The following EML4 variants were observed in gnomAD, a reference collection of about 807,000 sequenced individuals.
EML4 encodes echinoderm microtubule-associated protein-like 4.
A neutral mutation model predicts 129.0 loss-of-function variants in EML4; 72 were observed. The observed-to-expected ratio is 0.56, with a 90% CI of 0.46 to 0.68. EML4 has a LOEUF of 0.68. Among genes scored for constraint, EML4 ranks in the 30% least tolerant of loss-of-function variants. EML4 has a pLI of 0.00. For synonymous variants in EML4, 532 were observed against 405.0 expected (o/e 1.31, Z -3.77); for missense variants, 1,363 against 1,190.6 (o/e 1.14, Z -2.13).
chr2:42,181,594 C>T lies in EML4; in HGVS notation c.25+11958C>T, dbSNP rs1328045345. ...TACAGGTGTGAGCCACCGCGCCTGG[C>T]CAGGTTTCATATTTTTTTGATGGGT... is the stretch of plus-strand genomic sequence containing the variant. On this transcript the variant is annotated intron_variant, in intron 1 of 22. Coordinates refer to ENST00000318522, the MANE Select transcript of EML4 (RefSeq NM_019063.5). Among the ~76,000 whole-genome samples the T allele has an allele frequency of 2.0e-5, 3 of 152,130 alleles. No homozygotes were observed. In the East Asian group the frequency reaches 5.8e-4, roughly 29 times the overall value.
chr2:42,310,855 A>C (rs6728830), intron 17 of EML4, among the ~76,000 whole-genome samples: 147,500 of 152,248 alleles, frequency 0.97, 71,483 homozygotes, highest in African/African-American at 0.99. Flanking sequence ...AGAGATAGAG[A>C]CTCTGAGCCC....
intron 2 of EML4, among the ~76,000 whole-genome samples, chr2:42,247,320 A>G (rs1675475674): frequency 6.6e-6 from 1 of 152,168 alleles, no homozygotes; most frequent in African/African-American, 2.4e-5. Context: ...AAAAAAGAGA[A>G]TGCATGTTTG....
At chr2:42,203,100 A>G (rs942526698) in intron 1 of EML4, among the ~76,000 whole-genome samples, 2 of 152,210 alleles carry the variant, frequency 1.3e-5, no homozygotes, top group African/African-American at 4.8e-5. Context: ...AAATGTTCTC[A>G]CCATAAAGAA....
At chr2:42,204,963 C>A (rs1393664642) in intron 1 of EML4, among the ~76,000 whole-genome samples, 2 of 152,142 alleles carry the variant, frequency 1.3e-5, no homozygotes, top group African/African-American at 4.8e-5. Flanking sequence ...TATTACTATA[C>A]CATATGGTTT....
chr2:42,194,652 T>A (rs780030493), intron 1 of EML4, among the ~76,000 whole-genome samples: 2 of 151,830 alleles, frequency 1.3e-5, no homozygotes, highest in Non-Finnish European at 2.9e-5. Context: ...CTGGGACTAC[T>A]GATGTGTACC....
chr2:42,224,432 A>G (rs1225881447), intron 1 of EML4, among the ~76,000 whole-genome samples: 2 of 152,124 alleles, frequency 1.3e-5, no homozygotes, highest in Admixed American at 1.3e-4. Flanking sequence ...TAACCGTGTG[A>G]GCACATAACT....
intron 1 of EML4, among the ~76,000 whole-genome samples, chr2:42,188,308 A>G (rs1376048732): frequency 1.3e-5 from 2 of 152,008 alleles, no homozygotes; most frequent in Non-Finnish European, 2.9e-5. Flanking sequence ...AATGTAGAGG[A>G]CCTCCTGGGC....
chr2:42,266,583 GTCC>G (rs1666076824), intron 6 of EML4, among the ~76,000 whole-genome samples: 2 of 151,972 alleles, frequency 1.3e-5, no homozygotes, highest in Admixed American at 1.3e-4. Flanking sequence ...GGCTCAAGCA[GTCC>G]TCCTGCCTCA....
At chr2:42,303,251 G>C in intron 15 of EML4, 22 bp downstream of exon 15, 1 of 1,613,940 alleles carries the variant, frequency 6.2e-7, no homozygotes. Flanking sequence ...GATATTAACC[G>C]TTAACTGAAT....
intron 1 of EML4, among the ~76,000 whole-genome samples, chr2:42,215,493 G>A (rs1673131866): frequency 6.6e-6 from 1 of 151,864 alleles, no homozygotes; most frequent in Non-Finnish European, 1.5e-5. Flanking sequence ...CTCTTGAAGT[G>A]TGTTGGCCTC....
At chr2:42,193,664 G>A (rs1433880360) in intron 1 of EML4, among the ~76,000 whole-genome samples, 1 of 151,802 alleles carries the variant, frequency 6.6e-6, no homozygotes, top group Non-Finnish European at 1.5e-5. Context: ...TATCTATTGA[G>A]TCATTATAGG....
intron 1 of EML4, among the ~76,000 whole-genome samples, chr2:42,184,332 C>T (rs2103859942): frequency 6.6e-6 from 1 of 151,740 alleles, no homozygotes; most frequent in East Asian, 1.9e-4. Context: ...GTGCTGCACC[C>T]ATTAGCTCGT....
At chr2:42,226,617 A>G in intron 1 of EML4, among the ~76,000 whole-genome samples, 1 of 152,106 alleles carries the variant, frequency 6.6e-6, no homozygotes, top group East Asian at 1.9e-4. Context: ...AGATCGTGCC[A>G]TTGCACTCCA....
intron 6 of EML4, among the ~76,000 whole-genome samples, chr2:42,271,973 C>T (rs1456464668): frequency 6.6e-6 from 1 of 151,552 alleles, no homozygotes; most frequent in Non-Finnish European, 1.5e-5. Context: ...ATGATGGCAC[C>T]TGTCTGTTGT....
chr2:42,204,428 C>T (rs1487884092), intron 1 of EML4, among the ~76,000 whole-genome samples: 1 of 152,106 alleles, frequency 6.6e-6, no homozygotes, highest in Non-Finnish European at 1.5e-5. Flanking sequence ...ATATTTTAGG[C>T]TTTGTGGGCC....
intron 11 of EML4, among the ~76,000 whole-genome samples, chr2:42,291,688 G>C (rs1320427303): frequency 6.6e-6 from 1 of 152,066 alleles, no homozygotes; most frequent in Non-Finnish European, 1.5e-5. Flanking sequence ...TTACAGGTGT[G>C]AGCCACCACG....
At chr2:42,312,559 T>G (rs1333458647) in intron 17 of EML4, among the ~76,000 whole-genome samples, 1 of 28,924 alleles carries the variant, frequency 3.5e-5, no homozygotes, top group Non-Finnish European at 6.6e-5. Context: ...CAATCAGAAT[T>G]TTTTTTTTTT....
intron 1 of EML4, among the ~76,000 whole-genome samples, chr2:42,225,804 C>T (rs1673922945): frequency 6.6e-6 from 1 of 151,974 alleles, no homozygotes; most frequent in Admixed American, 6.6e-5. Flanking sequence ...GCAATATTGA[C>T]ATATTTCTTA....
intron 17 of EML4, among the ~76,000 whole-genome samples, chr2:42,314,579 C>T (rs1049693631): frequency 6.6e-6 from 1 of 152,206 alleles, no homozygotes; most frequent in Non-Finnish European, 1.5e-5. Flanking sequence ...CATCCATTTT[C>T]TTCCTGCACA....
Sources: gnomAD v4.1 joint callset for allele counts (sites outside exome capture counted in the v4.1 genomes callset) on GRCh38, gnomAD v4.1.1 for gene constraint, MANE v1.5 for transcripts, NCBI Gene and HGNC (gene_info 2026-07-23, HGNC 2026-07-21) for gene names.